NRXN3: variants seen among roughly 807,000 people sequenced by gnomAD.
NRXN3 encodes the protein neurexin 3.
Under a neutral mutation model 137.6 loss-of-function variants are expected in NRXN3, and 32 were observed. That is an observed-to-expected ratio of 0.23 (90% CI 0.18 to 0.31). The LOEUF is 0.31. Ranked by LOEUF, NRXN3 falls within the 10% of genes least tolerant of loss-of-function variation. The pLI is 1.00. For synonymous variants in NRXN3, 798 were observed against 784.5 expected (o/e 1.02, Z -0.29); for missense variants, 1,574 against 2,062.5 (o/e 0.76, Z 4.59).
intron 2 of NRXN3, among the ~76,000 whole-genome samples, chr14:78,264,502 C>A (rs948589550): frequency 6.6e-6 from 1 of 152,090 alleles, no homozygotes; most frequent in East Asian, 1.9e-4. Context: ...GGGAGGGAAT[C>A]TGGGCCCTGT....
chr14:79,557,973 T>C (rs1042461572), intron 16 of NRXN3, among the ~76,000 whole-genome samples: 4 of 152,148 alleles, frequency 2.6e-5, no homozygotes, highest in African/African-American at 7.2e-5. Context: ...TTGTTGTCAT[T>C]TCAACAGTGT....
intron 4 of NRXN3, among the ~76,000 whole-genome samples, chr14:78,354,148 T>C (rs2083937928): frequency 6.6e-6 from 1 of 152,204 alleles, no homozygotes; most frequent in African/African-American, 2.4e-5. Flanking sequence ...AAGCATCCAT[T>C]TGAAATACGA....
At chr14:78,326,576 A>G (rs1189301312) in intron 4 of NRXN3, among the ~76,000 whole-genome samples, 4 of 152,166 alleles carry the variant, frequency 2.6e-5, no homozygotes, top group African/African-American at 4.8e-5. Context: ...GAAAAGAACA[A>G]AAGGTATACA....
chr14:79,790,284 A>T (rs1167695852), intron 19 of NRXN3, among the ~76,000 whole-genome samples: 1 of 151,712 alleles, frequency 6.6e-6, no homozygotes, highest in Non-Finnish European at 1.5e-5. Flanking sequence ...ACATGGTGAG[A>T]GAGGGAGAGA....
intron 6 of NRXN3, among the ~76,000 whole-genome samples, chr14:78,684,836 C>G (rs2098112010): frequency 6.6e-6 from 1 of 152,078 alleles, no homozygotes; most frequent in Non-Finnish European, 1.5e-5. Flanking sequence ...ATTTTTTCCC[C>G]AAGAGTATTG....
intron 4 of NRXN3, among the ~76,000 whole-genome samples, chr14:78,400,505 G>A (rs928427759): frequency 6.6e-6 from 1 of 152,162 alleles, no homozygotes; most frequent in African/African-American, 2.4e-5. Context: ...TCGGATTGCG[G>A]ATATTTCTAA....
At chr14:78,391,579 C>T (rs2090778725) in intron 4 of NRXN3, among the ~76,000 whole-genome samples, 1 of 151,920 alleles carries the variant, frequency 6.6e-6, no homozygotes, top group Admixed American at 6.6e-5. Flanking sequence ...TTTGTGTGGT[C>T]TGGAATGACC....
chr14:78,900,205 AT>A (rs575746274), intron 10 of NRXN3, among the ~76,000 whole-genome samples: 9 of 150,982 alleles, frequency 6.0e-5, no homozygotes, highest in South Asian at 2.1e-4. Flanking sequence ...AGTGGGTTCT[AT>A]TTTTTTTTCT....
chr14:79,504,259 A>AT (rs1246142901), intron 16 of NRXN3, among the ~76,000 whole-genome samples: 2 of 152,142 alleles, frequency 1.3e-5, no homozygotes, highest in East Asian at 1.9e-4. Flanking sequence ...TATCCATTAC[A>AT]TTTTTTTGAG....
chr14:78,697,701 C>A (rs748129501), intron 6 of NRXN3, among the ~76,000 whole-genome samples: 1 of 151,960 alleles, frequency 6.6e-6, no homozygotes, highest in African/African-American at 2.4e-5. Flanking sequence ...TTTAAGCTAG[C>A]AAAGTGTAAA....
At chr14:79,710,320 G>A (rs972912033) in intron 19 of NRXN3, among the ~76,000 whole-genome samples, 1 of 151,906 alleles carries the variant, frequency 6.6e-6, no homozygotes. Context: ...CCATATCCTG[G>A]TTGATTTCAA....
At chr14:78,472,180 TA>T (rs1208694007) in intron 4 of NRXN3, among the ~76,000 whole-genome samples, 4 of 152,166 alleles carry the variant, frequency 2.6e-5, no homozygotes, top group Non-Finnish European at 4.4e-5. Context: ...AAACTCCCAC[TA>T]TTATGGCCAG....
chr14:78,615,192 T>G (rs1286863933), intron 4 of NRXN3, among the ~76,000 whole-genome samples: 1 of 152,170 alleles, frequency 6.6e-6, no homozygotes, highest in Non-Finnish European at 1.5e-5. Context: ...TCTCATTAGG[T>G]CCTCACTATA....
At chr14:78,615,161 A>G (rs1296440901) in intron 4 of NRXN3, 4 of 449,456 alleles carry the variant, frequency 8.9e-6, no homozygotes, top group African/African-American at 6.0e-5. Flanking sequence ...AATATCTTAC[A>G]TGTATACCAT....
chr14:79,521,048 A>G (rs1256245324), intron 16 of NRXN3, among the ~76,000 whole-genome samples: 1 of 152,164 alleles, frequency 6.6e-6, no homozygotes, highest in Non-Finnish European at 1.5e-5. Flanking sequence ...CTGGATAATG[A>G]GTTGTTTTTT....
At chr14:79,451,187 AG>A (rs1567163538) in intron 15 of NRXN3, among the ~76,000 whole-genome samples, 3 of 151,342 alleles carry the variant, frequency 2.0e-5, no homozygotes, top group African/African-American at 7.3e-5. Flanking sequence ...AAAAAAAAAA[AG>A]CTCAGGATAT....
intron 16 of NRXN3, among the ~76,000 whole-genome samples, chr14:79,517,099 C>CT (rs371138265): frequency 2.4e-4 from 23 of 96,918 alleles, no homozygotes; most frequent in Non-Finnish European, 3.9e-4. Context: ...ACAGCCCCCC[C>CT]CCCCTCAACG....
At chr14:79,428,446 T>C (rs959931443) in intron 15 of NRXN3, among the ~76,000 whole-genome samples, 3 of 152,126 alleles carry the variant, frequency 2.0e-5, no homozygotes, top group African/African-American at 7.2e-5. Flanking sequence ...ACAACACAAA[T>C]TATGTAGGTT....
chr14:78,384,816 C>T (rs958653706), intron 4 of NRXN3, among the ~76,000 whole-genome samples: 9 of 152,182 alleles, frequency 5.9e-5, no homozygotes, highest in Admixed American at 2.6e-4. Context: ...ATATACCATT[C>T]GGTGATTCCA....
Sources: gnomAD v4.1 joint callset for allele counts (sites outside exome capture counted in the v4.1 genomes callset) on GRCh38, gnomAD v4.1.1 for gene constraint, MANE v1.5 for transcripts, NCBI Gene and HGNC (gene_info 2026-07-23, HGNC 2026-07-21) for gene names.